Variants in SSBP3 observed in about 807,000 individuals in gnomAD.
SSBP3 encodes the protein single stranded DNA binding protein 3.
In SSBP3, 5 loss-of-function variants were observed where a neutral mutation model predicts 69.6. The observed-to-expected ratio is 0.07, with a 90% CI of 0.04 to 0.15. The LOEUF is 0.15. Ranked by LOEUF, SSBP3 falls within the 10% of genes least tolerant of loss-of-function variation. The pLI is 1.00. For synonymous variants in SSBP3, 196 were observed against 193.4 expected (o/e 1.01, Z -0.11); for missense variants, 312 against 534.0 (o/e 0.58, Z 4.10).
In SSBP3 at chr1:54,258,240, G is replaced by A. The variant is rs1239837052; in HGVS notation, c.367-91C>T. The A allele has an allele frequency of 4.4e-5, 32 of 720,422 alleles. No individual in the cohort carries two copies. The highest frequency in any genetic ancestry group is 6.2e-5 in the Non-Finnish European group (32 of 512,732). 44.6% of individuals were successfully genotyped at this position (720,422 alleles called of 1,614,324 possible). ...AAAAGAACAAAAATTAAACCAAAAC[G>A]AAGGGTGGGCGGCGGGCGTGCGGGG... is the stretch of plus-strand genomic sequence containing the variant. On this transcript the variant is annotated intron_variant, in intron 5 of 17. Transcript: ENST00000610401. This position sits in a 1 kb window ranked among gnomAD's most constrained non-coding sequence, Gnocchi z 4.5.
chr1:54,329,152 GC>G (rs1372714218), intron 4 of SSBP3, among the ~76,000 whole-genome samples: 1 of 152,090 alleles, frequency 6.6e-6, no homozygotes, highest in Non-Finnish European at 1.5e-5. Context: ...CTATTCCCCT[GC>G]CCCCACCCAA....
intron 4 of SSBP3, among the ~76,000 whole-genome samples, chr1:54,345,998 A>C (rs1033436466): frequency 2.6e-5 from 4 of 151,348 alleles, no homozygotes; most frequent in African/African-American, 7.3e-5. Flanking sequence ...AAAAAAAAAA[A>C]ACAAAACAAA....
rs377000639 is a variant in SSBP3, at chr1:54,338,253, C to T, written c.277-56726G>A. On this transcript the variant is annotated intron_variant, in intron 4 of 17. Transcript: ENST00000610401. ...TGCATAGCCGGCACCTACGGCAGGG[C>T]GGGCTGATATGCTTGCCTTGCATAT... Among the ~76,000 whole-genome samples, 170 of 152,324 alleles carry T rather than the reference C, an allele frequency of 1.1e-3. 4 individuals carry two copies. In the South Asian group the frequency reaches 0.028, roughly 25 times the overall value.
At chr1:54,264,145 T>C (rs1419376335) in intron 5 of SSBP3, among the ~76,000 whole-genome samples, 3 of 151,798 alleles carry the variant, frequency 2.0e-5, no homozygotes, top group Non-Finnish European at 4.4e-5. Context: ...TACAAAAAAA[T>C]ACAAAAGCTA....
chr1:54,243,836 T>A (rs909882548), intron 9 of SSBP3, among the ~76,000 whole-genome samples: 1 of 152,160 alleles, frequency 6.6e-6, no homozygotes, highest in Non-Finnish European at 1.5e-5. Flanking sequence ...CACCCATGTG[T>A]CAGCATCAGA....
intron 4 of SSBP3, among the ~76,000 whole-genome samples, chr1:54,399,973 T>C (rs1301101814): frequency 1.3e-5 from 2 of 152,184 alleles, no homozygotes; most frequent in Non-Finnish European, 2.9e-5. Flanking sequence ...AAAAGGTTTT[T>C]ACACCCCACA....
At chr1:54,274,624 G>A (rs1250232065) in intron 5 of SSBP3, among the ~76,000 whole-genome samples, 1 of 152,112 alleles carries the variant, frequency 6.6e-6, no homozygotes, top group Non-Finnish European at 1.5e-5. Context: ...AGGCAGGAAA[G>A]CTGCCCTCAG....
Position 54,339,550 on chromosome 1 carries a change from C to T in SSBP3, c.277-58023G>A, listed in dbSNP as rs191007324. 3.9e-5 allele frequency among the ~76,000 whole-genome samples: 6 copies of T among 152,130 alleles called. No homozygotes were observed. The East Asian group carries it at 1.2e-3, about 29-fold the overall frequency. On this transcript the variant is annotated intron_variant, in intron 4 of 17. Transcript: ENST00000610401. ...ATGCGAGTAAAATACTAGCCTAGCCCTAGCACATAGTAACCACTAAAAAAA... is the reference window on the plus strand; with the variant it reads ...ATGCGAGTAAAATACTAGCCTAGCCTTAGCACATAGTAACCACTAAAAAAA...
At chr1:54,319,133 C>T (rs770579050) in intron 4 of SSBP3, among the ~76,000 whole-genome samples, 28 of 152,286 alleles carry the variant, frequency 1.8e-4, no homozygotes, top group Non-Finnish European at 3.4e-4. Flanking sequence ...GGTGCTTCTA[C>T]ATGTGTTCTT....
intron 11 of SSBP3, 68 bp from the exon 12 acceptor site, chr1:54,241,577 G>C: frequency 6.5e-7 from 1 of 1,531,800 alleles, no homozygotes; most frequent in East Asian, 2.2e-5. Context: ...AAACCTCCCT[G>C]AGGACACGAC....
chr1:54,328,200 A>G (rs1030005826), intron 4 of SSBP3, among the ~76,000 whole-genome samples: 5 of 152,108 alleles, frequency 3.3e-5, no homozygotes, highest in Non-Finnish European at 5.9e-5. Flanking sequence ...CAGGGCCCGC[A>G]GCGAACAATG....
At chr1:54,251,744 A>T in intron 8 of SSBP3, 50 bp downstream of exon 8, 1 of 1,589,850 alleles carries the variant, frequency 6.3e-7, no homozygotes, top group Non-Finnish European at 8.6e-7. Context: ...AGGGAGGAGG[A>T]GCCCCTCCTG....
intron 14 of SSBP3, among the ~76,000 whole-genome samples, chr1:54,231,013 T>C (rs187126560): frequency 8.5e-5 from 13 of 152,294 alleles, no homozygotes; most frequent in Admixed American, 5.9e-4. Flanking sequence ...CGTTTTCATT[T>C]CTCTTGGGCA....
intron 9 of SSBP3, among the ~76,000 whole-genome samples, chr1:54,245,492 G>C (rs1644718039): frequency 6.6e-6 from 1 of 152,240 alleles, no homozygotes; most frequent in African/African-American, 2.4e-5. Flanking sequence ...TGGGCTGATA[G>C]TGGGTTCTGC....
At chr1:54,340,417 G>A (rs1364264318) in intron 4 of SSBP3, among the ~76,000 whole-genome samples, 1 of 152,208 alleles carries the variant, frequency 6.6e-6, no homozygotes. Flanking sequence ...CTCCAGAGAT[G>A]TGAGCAGCTT....
Position 54,240,126 on chromosome 1 carries a change from C to T in SSBP3, c.856+779G>A, listed in dbSNP as rs570130893. 2.5e-3 allele frequency among the ~76,000 whole-genome samples: 290 copies of T among 115,366 alleles called. 2 individuals carry two copies. Among genetic ancestry groups the T allele is most frequent in the African/African-American group, 9.0e-3 (271 of 29,972 alleles). 75.7% of individuals were successfully genotyped at this position (115,366 alleles called of 152,430 possible). A position where few individuals can be genotyped will look rare whatever the true frequency, so the allele number is the denominator to read the frequency against. ...TGTGCGTGCGCGCGCGCGCGCAACA[C>T]ATGCCCACGTATGTGCACGCATGCC... is the stretch of plus-strand genomic sequence containing the variant. On this transcript the variant is annotated intron_variant, in intron 13 of 17. Coordinates refer to ENST00000610401, the Ensembl canonical transcript of SSBP3.
intron 4 of SSBP3, 57 bp from the exon 5 acceptor site, chr1:54,281,584 G>A (rs1396317732): frequency 1.4e-6 from 2 of 1,478,760 alleles, no homozygotes; most frequent in South Asian, 1.2e-5. Context: ...GAGACACAGA[G>A]TTCTGACCCC....
At position 54,248,946 on chromosome 1, in the gene SSBP3, G is replaced by A. The variant is rs72910022; in HGVS notation, c.651+2670C>T. ...AAGGGTGTGTAACATAAATAAAGAC[G>A]GGTGAGCCTCTCTCCCTCCCGCTGG... is the stretch of plus-strand genomic sequence containing the variant. On this transcript the variant is annotated intron_variant, in intron 9 of 17. Transcript: ENST00000610401. Among the ~76,000 whole-genome samples, 764 of 152,242 alleles carry A rather than the reference G, an allele frequency of 5.0e-3. 6 individuals are homozygous for A. The highest frequency in any genetic ancestry group is 0.017 in the African/African-American group (706 of 41,524).
chr1:54,329,197 A>AACGCAGGGAGGG (rs1553139825), intron 4 of SSBP3, among the ~76,000 whole-genome samples: 1 of 118,532 alleles, frequency 8.4e-6, no homozygotes, highest in Non-Finnish European at 1.6e-5. Flanking sequence ...TAGACCATCA[A>AACGCAGGGAGGG]AGGCAGGGAG....
Sources: allele counts gnomAD v4.1 joint callset (sites outside exome capture counted in the v4.1 genomes callset), GRCh38; gene constraint gnomAD v4.1.1; non-coding constraint Gnocchi (gnomAD v3.1); transcripts MANE v1.5; gene names NCBI Gene and HGNC (gene_info 2026-07-23, HGNC 2026-07-21).